Variants in WASHC5 observed in about 807,000 individuals in gnomAD.
The protein encoded by WASHC5 is WASH complex subunit 5.
Under a neutral mutation model 150.4 loss-of-function variants are expected in WASHC5, and 101 were observed. That is an observed-to-expected ratio of 0.67 (90% confidence interval 0.57 to 0.79). The LOEUF is 0.79. Ranked by LOEUF, WASHC5 falls within the 30% of genes least tolerant of loss-of-function variation. WASHC5 has a pLI of 0.00. For synonymous variants in WASHC5, 467 were observed against 491.2 expected (o/e 0.95, Z 0.65); for missense variants, 1,195 against 1,396.3 (o/e 0.86, Z 2.30).
At chr8:125,070,923 T>C (rs1452828754) in intron 9 of WASHC5, among the ~76,000 whole-genome samples, 5 of 152,154 alleles carry the variant, frequency 3.3e-5, no homozygotes, top group African/African-American at 9.7e-5. Context: ...GGACCACCCA[T>C]AGGAAGTGGA....
At position 125,083,873 on chromosome 8, in the gene WASHC5, T is replaced by C. The variant is rs781756466; in HGVS notation, c.26A>G (p.Asn9Ser). MLDFLAEN[N>S]LCGQAILRIV... ...CCTTAGGATTGCTTGGCCACAGAGG[T>C]TGTTCTCGGCTAGAAAGTCCAACAT... is the stretch of plus-strand genomic sequence containing the variant. Residue 9 changes from asparagine to serine, a missense_variant, in exon 2 of 29, where the codon AAC becomes AGC. This residue lies in a region of WASHC5 where 195 missense variants were observed against 206.9 expected (regional missense o/e 0.94). Transcript: ENST00000318410. The C allele has an allele frequency of 6.2e-6, 10 of 1,613,780 alleles. No homozygotes were observed. In the African/African-American group the frequency reaches 1.2e-4, roughly 19 times the overall value.
intron 8 of WASHC5, among the ~76,000 whole-genome samples, chr8:125,073,693 T>C (rs2130167466): frequency 6.6e-6 from 1 of 152,344 alleles, no homozygotes; most frequent in East Asian, 1.9e-4. Context: ...GGACTATACT[T>C]ATTGGGCTCA....
chr8:125,075,188 A>G, intron 7 of WASHC5, 77 bp from the exon 8 acceptor site: 2 of 886,474 alleles, frequency 2.3e-6, no homozygotes, highest in Admixed American at 3.4e-5. Context: ...AAGTTATAGA[A>G]GGCAATACCC....
chr8:125,061,248 G>T, intron 11 of WASHC5, 54 bp from the exon 12 acceptor site: 1 of 963,470 alleles, frequency 1.0e-6, no homozygotes, highest in Non-Finnish European at 1.7e-6. Context: ...TGTAGCTGTG[G>T]CTTTGAATTT....
intron 19 of WASHC5, 81 bp downstream of exon 19, chr8:125,048,925 G>A (rs1816155005): frequency 8.6e-7 from 1 of 1,162,746 alleles, no homozygotes; most frequent in Non-Finnish European, 1.2e-6. Flanking sequence ...CTTTCTTGTT[G>A]ACATTTCTGA....
chr8:125,053,398 C>T (rs1816308258), intron 17 of WASHC5, among the ~76,000 whole-genome samples: 1 of 151,990 alleles, frequency 6.6e-6, no homozygotes, highest in Non-Finnish European at 1.5e-5. Flanking sequence ...AGTATTTTAC[C>T]AAGCAGTCTT....
At position 125,049,164 on chromosome 8, in the gene WASHC5, G is replaced by C. The variant is rs774262328; in HGVS notation, c.2221C>G (p.Leu741Val). The change falls in exon 19 of 29, where the codon CTG becomes GTG. Residue 741 changes from leucine (L) to valine (V), a missense_variant. Leu to Val is a conservative substitution (Grantham distance 32). Transcript: ENST00000318410. Reference sequence around the variant, plus strand: ...TCCATGGTCGCTCCCAACTCTTTCAGCTTGGGCATCAATTCACTTGGCTGT... The same window carrying C: ...TCCATGGTCGCTCCCAACTCTTTCACCTTGGGCATCAATTCACTTGGCTGT... Reference protein sequence around the residue: ...RAKPSELMPKLKELGATMDGF... With the variant: ...RAKPSELMPKVKELGATMDGF... The C allele has an allele frequency of 2.5e-6, 4 of 1,613,904 alleles. No homozygotes were observed. Among genetic ancestry groups the C allele is most frequent in the Non-Finnish European group, 2.5e-6 (3 of 1,179,986 alleles).
At chr8:125,070,280 G>A (rs932572318) in intron 9 of WASHC5, among the ~76,000 whole-genome samples, 3 of 152,248 alleles carry the variant, frequency 2.0e-5, no homozygotes, top group African/African-American at 7.2e-5. Flanking sequence ...TAACTAAGCA[G>A]TTGCTTTTCC....
chr8:125,081,829 T>C, intron 4 of WASHC5, 68 bp from the exon 5 acceptor site: 1 of 935,846 alleles, frequency 1.1e-6, no homozygotes, highest in Non-Finnish European at 1.8e-6. Context: ...AAGTCGGTAA[T>C]CATGAAAAAT....
intron 27 of WASHC5, among the ~76,000 whole-genome samples, chr8:125,031,751 G>A (rs956820618): frequency 2.1e-4 from 32 of 152,154 alleles, no homozygotes; most frequent in Non-Finnish European, 4.4e-4. Flanking sequence ...AAAAGAACTG[G>A]CAGGAATTAA....
chr8:125,025,390 T>C (rs1815349459), intron 28 of WASHC5, among the ~76,000 whole-genome samples: 1 of 152,158 alleles, frequency 6.6e-6, no homozygotes, highest in African/African-American at 2.4e-5. Flanking sequence ...ACCTAATACA[T>C]GTGAGGCTTA....
chr8:125,059,614 A>G (rs1816529859), intron 12 of WASHC5, 72 bp from the exon 13 acceptor site: 1 of 1,139,644 alleles, frequency 8.8e-7, no homozygotes, highest in African/African-American at 1.5e-5. Flanking sequence ...TCTTGAAAAC[A>G]CTTCAAATAA....
intron 12 of WASHC5, 121 bp downstream of exon 12, chr8:125,060,961 C>T (rs1474002015): frequency 5.8e-6 from 4 of 687,058 alleles, no homozygotes; most frequent in Non-Finnish European, 1.1e-5. Context: ...CATATTAATT[C>T]ACATCGCTTT....
At chr8:125,076,326 GA>G in intron 7 of WASHC5, 21 bp downstream of exon 7, 1 of 1,611,502 alleles carries the variant, frequency 6.2e-7, no homozygotes, top group Non-Finnish European at 8.5e-7. Flanking sequence ...TACTGTAGAG[GA>G]AAAAAATTAG....
chr8:125,052,599 T>G (rs1816272540), intron 17 of WASHC5, among the ~76,000 whole-genome samples: 1 of 103,122 alleles, frequency 9.7e-6, no homozygotes, highest in Non-Finnish European at 2.0e-5. Context: ...TGCATGTATA[T>G]CACACACACT....
intron 24 of WASHC5, 133 bp downstream of exon 24, chr8:125,039,662 G>A (rs1313437312): frequency 5.7e-6 from 4 of 696,354 alleles, no homozygotes; most frequent in East Asian, 5.4e-5. Flanking sequence ...TTGATTATCC[G>A]TGGCAAGGAA....
intron 28 of WASHC5, among the ~76,000 whole-genome samples, chr8:125,025,265 T>C (rs1252401763): frequency 6.6e-6 from 1 of 152,046 alleles, no homozygotes; most frequent in Non-Finnish European, 1.5e-5. Flanking sequence ...TAATTTTTTT[T>C]CTGATCATAA....
intron 20 of WASHC5, among the ~76,000 whole-genome samples, chr8:125,045,167 T>G (rs563329451): frequency 1.6e-4 from 25 of 152,330 alleles, no homozygotes; most frequent in African/African-American, 6.0e-4. Flanking sequence ...ACAAAGCAAT[T>G]TGCTTTTTCC....
intron 26 of WASHC5, among the ~76,000 whole-genome samples, chr8:125,035,921 T>C (rs977476026): frequency 9.9e-5 from 15 of 152,224 alleles, no homozygotes; most frequent in Non-Finnish European, 2.1e-4. Flanking sequence ...CTAAAGTCTA[T>C]AGTGGATTTT....
Sources: gnomAD v4.1 joint callset for allele counts (sites outside exome capture counted in the v4.1 genomes callset) on GRCh38, gnomAD v4.1.1 for gene constraint, gnomAD v4.1.1 regional missense constraint, MANE v1.5 for transcripts, NCBI Gene and HGNC (gene_info 2026-07-23, HGNC 2026-07-21) for gene names.